The following LSAMP variants were observed in gnomAD, a reference collection of about 807,000 sequenced individuals.
LSAMP encodes the protein limbic system associated membrane protein.
A neutral mutation model predicts 38.6 loss-of-function variants in LSAMP; 7 were observed. The observed-to-expected ratio is 0.18, with a 90% CI of 0.10 to 0.34. The LOEUF (loss-of-function observed/expected upper bound fraction) is 0.34. Ranked by LOEUF, LSAMP falls within the 10% of genes least tolerant of loss-of-function variation. The pLI, the probability that LSAMP is intolerant of heterozygous loss-of-function variation, is 1.00. For missense variants in LSAMP, 313 were observed against 420.0 expected (o/e 0.75, Z 2.23); for synonymous variants, 154 against 166.8 (o/e 0.92, Z 0.59).
chr3:116,052,451 C>T (rs947491205), intron 2 of LSAMP, among the ~76,000 whole-genome samples: 2 of 152,174 alleles, frequency 1.3e-5, no homozygotes, highest in East Asian at 1.9e-4. Flanking sequence ...GTATTTTAAA[C>T]GAAGAAGACA....
At chr3:116,197,130 G>GACACACACACACACACACACACACACAC (rs10650049) in intron 1 of LSAMP, among the ~76,000 whole-genome samples, 19 of 136,814 alleles carry the variant, frequency 1.4e-4, no homozygotes, top group African/African-American at 5.4e-4. Flanking sequence ...ATCCCACTCG[G>GACACACACACACACACACACACACACAC]ACACACACAC....
chr3:116,422,396 T>C (rs903361710), intron 1 of LSAMP, among the ~76,000 whole-genome samples: 3 of 152,232 alleles, frequency 2.0e-5, no homozygotes, highest in African/African-American at 7.2e-5. Flanking sequence ...TTGTATCAGG[T>C]ATTATAAATA....
intron 1 of LSAMP, among the ~76,000 whole-genome samples, chr3:116,103,481 A>G (rs1299314631): frequency 6.7e-6 from 1 of 150,180 alleles, no homozygotes; most frequent in Non-Finnish European, 1.5e-5. Flanking sequence ...AAAAAAAAAA[A>G]AAAAAAAGAA....
At chr3:116,123,791 G>A (rs1160583413) in intron 1 of LSAMP, among the ~76,000 whole-genome samples, 1 of 152,170 alleles carries the variant, frequency 6.6e-6, no homozygotes, top group Non-Finnish European at 1.5e-5. Context: ...TAAGTGCCTT[G>A]ACTTTGATGC....
chr3:115,965,697 C>A (rs1219737752), intron 3 of LSAMP, among the ~76,000 whole-genome samples: 1 of 144,412 alleles, frequency 6.9e-6, no homozygotes, highest in African/African-American at 2.5e-5. Context: ...GAAAGACAAA[C>A]AACACAAAAA....
At chr3:116,228,057 A>G (rs1376635068) in intron 1 of LSAMP, among the ~76,000 whole-genome samples, 1 of 152,132 alleles carries the variant, frequency 6.6e-6, no homozygotes, top group Non-Finnish European at 1.5e-5. Context: ...TGAAATTATT[A>G]GTAGACTTTG....
chr3:115,944,639 TTATC>T (rs1165814297), intron 3 of LSAMP, among the ~76,000 whole-genome samples: 7 of 152,184 alleles, frequency 4.6e-5, no homozygotes, highest in African/African-American at 1.4e-4. Flanking sequence ...ATTTTATAAA[TTATC>T]TTAGTTATTA....
intron 1 of LSAMP, among the ~76,000 whole-genome samples, chr3:116,128,838 T>G (rs769774732): frequency 2.0e-5 from 3 of 152,212 alleles, no homozygotes; most frequent in Non-Finnish European, 4.4e-5. Flanking sequence ...CTCACTTTCA[T>G]GTGATCTCTG....
chr3:116,272,916 G>A (rs1472324265), intron 1 of LSAMP, among the ~76,000 whole-genome samples: 2 of 152,002 alleles, frequency 1.3e-5, no homozygotes, highest in Non-Finnish European at 2.9e-5. Flanking sequence ...CGAGCATTTT[G>A]GGCATAAATA....
At chr3:115,945,152 C>T (rs1172316757) in intron 3 of LSAMP, among the ~76,000 whole-genome samples, 1 of 152,028 alleles carries the variant, frequency 6.6e-6, no homozygotes, top group Non-Finnish European at 1.5e-5. Context: ...CATAAACTTT[C>T]GAATTACGGC....
intron 1 of LSAMP, among the ~76,000 whole-genome samples, chr3:116,207,738 T>C (rs902622532): frequency 4.6e-5 from 7 of 151,884 alleles, no homozygotes; most frequent in Non-Finnish European, 7.4e-5. Context: ...TGGTCCCCAC[T>C]CTCTTCTGGC....
At chr3:116,298,274 A>AG (rs1377146764) in intron 1 of LSAMP, among the ~76,000 whole-genome samples, 1 of 152,216 alleles carries the variant, frequency 6.6e-6, no homozygotes, top group Admixed American at 6.5e-5. Flanking sequence ...CACGGACAGA[A>AG]GGGAGAGACC....
At chr3:116,099,703 G>A (rs552835169) in intron 1 of LSAMP, among the ~76,000 whole-genome samples, 2 of 152,054 alleles carry the variant, frequency 1.3e-5, no homozygotes, top group African/African-American at 4.8e-5. Flanking sequence ...AGCTTTCAGC[G>A]CCAGTCACCA....
intron 1 of LSAMP, among the ~76,000 whole-genome samples, chr3:116,196,223 G>C (rs887166675): frequency 1.3e-5 from 2 of 152,098 alleles, no homozygotes; most frequent in African/African-American, 2.4e-5. Flanking sequence ...TACTCAAGGG[G>C]ACAGATTTTA....
chr3:116,349,956 C>T (rs907640055), intron 1 of LSAMP, among the ~76,000 whole-genome samples: 1 of 151,878 alleles, frequency 6.6e-6, no homozygotes, highest in African/African-American at 2.4e-5. Flanking sequence ...AAAATATATG[C>T]GAATATACCA....
At chr3:116,412,328 T>C (rs551716392) in intron 1 of LSAMP, among the ~76,000 whole-genome samples, 3 of 152,194 alleles carry the variant, frequency 2.0e-5, no homozygotes, top group African/African-American at 4.8e-5. Flanking sequence ...AGGATTCTCT[T>C]GGTTCTCTCT....
At chr3:116,217,537 T>C (rs1055342840) in intron 1 of LSAMP, among the ~76,000 whole-genome samples, 22 of 152,242 alleles carry the variant, frequency 1.4e-4, no homozygotes, top group African/African-American at 5.3e-4. Context: ...AAACATAGTC[T>C]CTGCCTCGAG....
At chr3:116,416,433 G>A (rs1034677203) in intron 1 of LSAMP, among the ~76,000 whole-genome samples, 8 of 152,266 alleles carry the variant, frequency 5.3e-5, no homozygotes, top group Non-Finnish European at 7.4e-5. Flanking sequence ...CATTTGGGAG[G>A]AGAATGGGTT....
At chr3:116,134,619 G>A (rs777890652) in intron 1 of LSAMP, among the ~76,000 whole-genome samples, 2 of 152,042 alleles carry the variant, frequency 1.3e-5, no homozygotes, top group African/African-American at 4.8e-5. Context: ...TCATGTGTTC[G>A]TCCACCATCT....
Sources: gnomAD v4.1 joint callset for allele counts (sites outside exome capture counted in the v4.1 genomes callset) on GRCh38, gnomAD v4.1.1 for gene constraint, MANE v1.5 for transcripts, NCBI Gene and HGNC (gene_info 2026-07-23, HGNC 2026-07-21) for gene names.